LIN52: variants seen among roughly 807,000 people sequenced by gnomAD.
LIN52 encodes lin-52 DREAM MuvB core complex component, also known as protein lin-52 homolog.
Under a neutral mutation model 18.5 loss-of-function variants are expected in LIN52, and 4 were observed. The observed-to-expected ratio is 0.22, with a 90% confidence interval of 0.11 to 0.49. The LOEUF (loss-of-function observed/expected upper bound fraction) is 0.49, where lower values mean the gene tolerates loss of function less well. Among genes scored for constraint, LIN52 ranks in the 20% least tolerant of loss-of-function variants. The pLI is 0.97. For missense variants in LIN52, 102 were observed against 139.5 expected (o/e 0.73, Z 1.35); for synonymous variants, 34 against 45.5 (o/e 0.75, Z 1.02).
intron 5 of LIN52, among the ~76,000 whole-genome samples, chr14:74,153,381 G>T (rs1048153645): frequency 3.3e-5 from 5 of 152,010 alleles, no homozygotes; most frequent in Non-Finnish European, 7.4e-5. Context: ...TTTGCATGGG[G>T]TTATCTTCTA....
intron 5 of LIN52, chr14:74,174,861 G>A (rs1386709947): frequency 1.3e-5 from 2 of 151,558 alleles, no homozygotes; most frequent in African/African-American, 2.4e-5. Flanking sequence ...TAAAAAATTA[G>A]CCAGGTATGA....
rs770141123 is a variant in LIN52, at chr14:74,199,645, C to G, written c.*668C>G. 1 of 152,246 alleles carries G rather than the reference C, an allele frequency of 6.6e-6. No individual in the cohort carries two copies. Among genetic ancestry groups the G allele is most frequent in the Non-Finnish European group, 1.5e-5 (1 of 68,070 alleles). The allele number at this position is 152,246 out of a possible 1,614,324, so 9.4% of individuals were successfully genotyped here. Reference sequence around the variant, plus strand: ...TTCGGGCAGAGGGATCCCTGAGTCCCTCCTGGAATTAGCTTGTATAGTGAA... The same window carrying G: ...TTCGGGCAGAGGGATCCCTGAGTCCGTCCTGGAATTAGCTTGTATAGTGAA... On this transcript the variant is annotated 3_prime_UTR_variant, in exon 6 of 6. Coordinates refer to ENST00000555028, the MANE Select transcript of LIN52 (RefSeq NM_001024674.3).
At chr14:74,169,709 A>C (rs1360231877) in intron 5 of LIN52, among the ~76,000 whole-genome samples, 1 of 152,130 alleles carries the variant, frequency 6.6e-6, no homozygotes, top group African/African-American at 2.4e-5. Flanking sequence ...CCCTTTTAAA[A>C]CTTGTTCATG....
chr14:74,170,329 G>T (rs1204196651), intron 5 of LIN52, among the ~76,000 whole-genome samples: 2 of 152,116 alleles, frequency 1.3e-5, no homozygotes, highest in African/African-American at 2.4e-5. Flanking sequence ...AGTGATTTTT[G>T]TCTAAATTCC....
At chr14:74,097,691 C>A in intron 3 of LIN52, 103 bp from the exon 4 acceptor site, 1 of 795,440 alleles carries the variant, frequency 1.3e-6, no homozygotes, top group Non-Finnish European at 2.1e-6. Context: ...AATCCGCCCA[C>A]CTTGGCAGCC....
At chr14:74,127,139 C>T (rs1477665327) in intron 5 of LIN52, among the ~76,000 whole-genome samples, 2 of 152,142 alleles carry the variant, frequency 1.3e-5, no homozygotes, top group African/African-American at 2.4e-5. Context: ...GAGTACTATG[C>T]TAGGCAGCAA....
At position 74,130,238 on chromosome 14, in the gene LIN52, A is replaced by G. The variant is rs368051414; in HGVS notation, c.283+29000A>G. ...AAAAATAAATAAATTACATGAACAC[A>G]TATTAGGGAATGAGGAATTTATTAG... is the stretch of plus-strand genomic sequence containing the variant. On this transcript the variant is annotated intron_variant, in intron 5 of 5. Transcript: ENST00000555028. 7.7e-5 allele frequency among the ~76,000 whole-genome samples: 11 copies of G among 143,030 alleles called. No homozygotes were observed. In the East Asian group the frequency reaches 1.0e-3, roughly 13 times the overall value. The allele number at this position is 143,030 out of a possible 152,430, so 93.8% of individuals were successfully genotyped here.
At chr14:74,157,335 C>A (rs1318074481) in intron 5 of LIN52, among the ~76,000 whole-genome samples, 1 of 151,760 alleles carries the variant, frequency 6.6e-6, no homozygotes, top group Non-Finnish European at 1.5e-5. Context: ...ACCTGGCCTC[C>A]ACATTTTCTT....
intron 5 of LIN52, chr14:74,174,338 C>T (rs1263987900): frequency 6.6e-6 from 1 of 152,140 alleles, no homozygotes; most frequent in Non-Finnish European, 1.5e-5. Flanking sequence ...TAGCCTATTA[C>T]TCATAGGCCA....
intron 3 of LIN52, among the ~76,000 whole-genome samples, chr14:74,097,301 T>G (rs1029651041): frequency 2.6e-5 from 4 of 152,200 alleles, no homozygotes; most frequent in African/African-American, 9.7e-5. Flanking sequence ...ATGAGCCATG[T>G]TTTTTGCAGT....
Position 74,164,348 on chromosome 14 carries a change from G to A in LIN52, c.284-34574G>A, listed in dbSNP as rs192888973. ...CACCTAGGCTGGAGTGGAGTGACAC[G>A]ATCTCGGCTCACTGCAACCTCTGTC... On this transcript the variant is annotated intron_variant, in intron 5 of 5. Coordinates refer to ENST00000555028, the MANE Select transcript of LIN52 (RefSeq NM_001024674.3). Among the ~76,000 whole-genome samples the A allele has an allele frequency of 7.5e-4, 109 of 145,822 alleles. 3 individuals are homozygous for A. The East Asian group carries it at 0.018, about 24-fold the overall frequency.
intron 5 of LIN52, among the ~76,000 whole-genome samples, chr14:74,181,122 A>AGG (rs1566868803): frequency 7.7e-6 from 1 of 129,908 alleles, no homozygotes; most frequent in Non-Finnish European, 1.7e-5. Context: ...AAAAAAAAAA[A>AGG]AAAAAAGAAA....
At chr14:74,124,897 C>G (rs530786988) in intron 5 of LIN52, among the ~76,000 whole-genome samples, 2 of 143,248 alleles carry the variant, frequency 1.4e-5, no homozygotes, top group African/African-American at 5.2e-5. Flanking sequence ...GCACAAACAA[C>G]AAAAGGAGAC....
intron 5 of LIN52, among the ~76,000 whole-genome samples, chr14:74,181,101 C>G (rs2139585183): frequency 1.0e-5 from 1 of 97,310 alleles, no homozygotes; most frequent in African/African-American, 4.3e-5. Flanking sequence ...GAGCAAGACT[C>G]TGTCTCAAAA....
intron 5 of LIN52, among the ~76,000 whole-genome samples, chr14:74,131,394 C>G (rs375086732): frequency 6.6e-6 from 1 of 151,724 alleles, no homozygotes; most frequent in African/African-American, 2.4e-5. Flanking sequence ...TCTCAGCTCA[C>G]TGCAACCTCT....
chr14:74,162,391 G>T (rs1217083811), intron 5 of LIN52, among the ~76,000 whole-genome samples: 1 of 144,208 alleles, frequency 6.9e-6, no homozygotes, highest in Non-Finnish European at 1.5e-5. Flanking sequence ...CAGGAGAATC[G>T]CTTGAAACCA....
chr14:74,195,769 G>T (rs1434355404), intron 5 of LIN52, among the ~76,000 whole-genome samples: 2 of 152,210 alleles, frequency 1.3e-5, no homozygotes, highest in East Asian at 1.9e-4. Flanking sequence ...CTAGGTTTGG[G>T]GGGGTTCGGT....
At chr14:74,175,915 G>A (rs1222976265) in intron 5 of LIN52, among the ~76,000 whole-genome samples, 2 of 151,910 alleles carry the variant, frequency 1.3e-5, no homozygotes, top group African/African-American at 4.8e-5. Flanking sequence ...AGGAGTACAG[G>A]ATTACAGTGA....
chr14:74,199,247 A>G lies in LIN52; in HGVS notation c.*270A>G. ...GGATATTGGTAACAGCTGAGGGCAT[A>G]TCATTCTTAAAGGTCGAAGTCCTGC... On this transcript the variant is annotated 3_prime_UTR_variant, in exon 6 of 6. Transcript: ENST00000555028. 3.0e-6 allele frequency: 1 copy of G among 331,276 alleles called. No homozygotes were observed. The highest frequency in any genetic ancestry group is 4.7e-5 in the East Asian group (1 of 21,078). 20.5% of individuals were successfully genotyped at this position (331,276 alleles called of 1,614,324 possible). A position where few individuals can be genotyped will look rare whatever the true frequency, so the allele number is the denominator to read the frequency against.
Sources: allele counts gnomAD v4.1 joint callset (sites outside exome capture counted in the v4.1 genomes callset), GRCh38; gene constraint gnomAD v4.1.1; transcripts MANE v1.5; gene names NCBI Gene and HGNC (gene_info 2026-07-23, HGNC 2026-07-21).